The following KCNN3 variants were observed in gnomAD, a reference collection of about 807,000 sequenced individuals.
KCNN3 encodes potassium calcium-activated channel subfamily N member 3, also known as small conductance calcium-activated potassium channel protein 3.
A neutral mutation model predicts 62.9 loss-of-function variants in KCNN3; 16 were observed. The observed-to-expected ratio is 0.25, with a 90% CI of 0.17 to 0.39. KCNN3 has a LOEUF of 0.39. Ranked by LOEUF, KCNN3 falls within the 10% of genes least tolerant of loss-of-function variation. The pLI, the probability that KCNN3 is intolerant of heterozygous loss-of-function variation, is 1.00. For synonymous variants in KCNN3, 370 were observed against 389.2 expected, an observed-to-expected ratio of 0.95 and a Z score of 0.58; for missense variants, 599 against 949.4, an observed-to-expected ratio of 0.63 and a Z score of 4.85.
At chr1:154,867,807 T>C in intron 1 of KCNN3, 1 of 231,592 alleles carries the variant, frequency 4.3e-6, no homozygotes, top group Non-Finnish European at 6.6e-6. Flanking sequence ...CGTACAAACA[T>C]TACGCACATA....
intron 2 of KCNN3, among the ~76,000 whole-genome samples, chr1:154,808,469 G>A (rs954793790): frequency 6.6e-6 from 1 of 152,128 alleles, no homozygotes; most frequent in African/African-American, 2.4e-5. Context: ...AGGTGGAACT[G>A]TGCGCCGTGC....
Position 154,705,914 on chromosome 1 carries a change from C to G in KCNN3, c.*2062G>C, listed in dbSNP as rs1290412789. 1.3e-5 allele frequency: 2 copies of G among 152,220 alleles called. No individual in the cohort carries two copies. The highest frequency in any genetic ancestry group is 4.8e-5 in the African/African-American group (2 of 41,466). The allele number at this position is 152,220 out of a possible 1,614,324, so 9.4% of individuals were successfully genotyped here. A position where few individuals can be genotyped will look rare whatever the true frequency, so the allele number is the denominator to read the frequency against. Reference sequence around the variant, plus strand: ...ATGGTTACTTCATCTGTTTACACATCTGCTTATATGTTCAGCTGAACTGTC... The same window carrying G: ...ATGGTTACTTCATCTGTTTACACATGTGCTTATATGTTCAGCTGAACTGTC... On this transcript the variant is annotated 3_prime_UTR_variant, in exon 8 of 8. Transcript: ENST00000271915.
intron 2 of KCNN3, among the ~76,000 whole-genome samples, chr1:154,801,935 C>T (rs553866483): frequency 6.6e-6 from 1 of 152,314 alleles, no homozygotes; most frequent in African/African-American, 2.4e-5. Context: ...AGGAAGGGGC[C>T]AACCCACAAG....
intron 2 of KCNN3, among the ~76,000 whole-genome samples, chr1:154,807,621 G>A (rs983599535): frequency 1.3e-5 from 2 of 152,248 alleles, no homozygotes; most frequent in African/African-American, 4.8e-5. Context: ...GGCTGCTGGA[G>A]AAGAGTGTAT....
Position 154,756,273 on chromosome 1 carries a change from G to C in KCNN3, c.1448+15702C>G, listed in dbSNP as rs577786557. Among the ~76,000 whole-genome samples, 80 of 148,586 alleles carry C rather than the reference G, an allele frequency of 5.4e-4. 1 individual carries two copies. Among genetic ancestry groups the C allele is most frequent in the African/African-American group, 1.9e-3 (77 of 40,270 alleles). On this transcript the variant is annotated intron_variant, in intron 3 of 7. Transcript: ENST00000271915. Reference sequence around the variant, plus strand: ...AGGCAAAGGCAAAGAAGAAGAAGACGACGACGATGAAAAGGAGGAGGAGGA... The same window carrying C: ...AGGCAAAGGCAAAGAAGAAGAAGACCACGACGATGAAAAGGAGGAGGAGGA...
intron 2 of KCNN3, among the ~76,000 whole-genome samples, chr1:154,806,941 G>C (rs574812221): frequency 4.6e-5 from 7 of 152,294 alleles, no homozygotes; most frequent in Admixed American, 1.3e-4. Context: ...TGTGGTCCCA[G>C]CCCCGGGAAC....
intron 3 of KCNN3, among the ~76,000 whole-genome samples, chr1:154,747,276 G>T (rs1288210780): frequency 6.6e-6 from 1 of 152,088 alleles, no homozygotes; most frequent in Non-Finnish European, 1.5e-5. Flanking sequence ...CTCCCCAGCT[G>T]GTGTCCCGTC....
chr1:154,837,991 C>T (rs1441566142), intron 1 of KCNN3, among the ~76,000 whole-genome samples: 1 of 152,168 alleles, frequency 6.6e-6, no homozygotes, highest in Non-Finnish European at 1.5e-5. Flanking sequence ...GCCAGGCAGG[C>T]CTGAATTACG....
At chr1:154,720,530 C>T (rs57562759) in intron 5 of KCNN3, among the ~76,000 whole-genome samples, 5,342 of 152,220 alleles carry the variant, frequency 0.035, 316 homozygotes, top group African/African-American at 0.12. Flanking sequence ...GTTTTTCCTA[C>T]GAAATACCAC....
chr1:154,850,502 C>G (rs1652259368), intron 1 of KCNN3, among the ~76,000 whole-genome samples: 1 of 152,212 alleles, frequency 6.6e-6, no homozygotes, highest in Admixed American at 6.5e-5. Context: ...CACTCTCCTC[C>G]CAGTCTTAAA....
At chr1:154,766,571 C>T (rs1396910354) in intron 3 of KCNN3, among the ~76,000 whole-genome samples, 1 of 150,014 alleles carries the variant, frequency 6.7e-6, no homozygotes, top group African/African-American at 2.4e-5. Flanking sequence ...TGTTCCCAGG[C>T]TCTGCTCAGT....
chr1:154,772,567 G>A lies in KCNN3; in HGVS notation c.1030-174C>T, dbSNP rs1648609811. Among the ~76,000 whole-genome samples, 1 of 152,202 alleles carries A rather than the reference G, an allele frequency of 6.6e-6. No individual in the cohort carries two copies. The highest frequency in any genetic ancestry group is 2.4e-5 in the African/African-American group (1 of 41,446). On this transcript the variant is annotated intron_variant, in intron 2 of 7. Transcript: ENST00000271915. The surrounding 1 kb of genome is among the most constrained non-coding windows in gnomAD (Gnocchi z 5.6). ...GGCAAGAGCCCTGTATGTGGAGTAGGGAGAGCTGGATTCAGTCTACCTGGG... is the reference window on the plus strand; with the variant it reads ...GGCAAGAGCCCTGTATGTGGAGTAGAGAGAGCTGGATTCAGTCTACCTGGG...
intron 2 of KCNN3, among the ~76,000 whole-genome samples, chr1:154,808,380 C>G (rs1650267041): frequency 6.6e-6 from 1 of 152,058 alleles, no homozygotes; most frequent in Admixed American, 6.6e-5. Flanking sequence ...CTAGAGGACC[C>G]TCGACCCACC....
intron 1 of KCNN3, among the ~76,000 whole-genome samples, chr1:154,841,024 C>T (rs917555226): frequency 1.6e-4 from 25 of 152,130 alleles, no homozygotes; most frequent in African/African-American, 5.1e-4. Flanking sequence ...CCTGCCCCTG[C>T]GGGGTCAGGC....
intron 5 of KCNN3, among the ~76,000 whole-genome samples, chr1:154,723,207 T>A (rs923944806): frequency 1.3e-5 from 2 of 152,202 alleles, no homozygotes; most frequent in Non-Finnish European, 2.9e-5. Context: ...TCATTTCAAT[T>A]AAGGTTATGT....
intron 3 of KCNN3, among the ~76,000 whole-genome samples, chr1:154,747,951 TC>T (rs1346789916): frequency 6.6e-6 from 1 of 152,146 alleles, no homozygotes; most frequent in Admixed American, 6.5e-5. Context: ...CGGAAAGCCG[TC>T]CCGGATCAAG....
intron 7 of KCNN3, among the ~76,000 whole-genome samples, chr1:154,709,152 C>T (rs1283899814): frequency 6.6e-6 from 1 of 152,194 alleles, no homozygotes; most frequent in Admixed American, 6.5e-5. Context: ...AGTGCTCCTT[C>T]CCCAACATCC....
At chr1:154,770,625 C>G (rs1648511741) in intron 3 of KCNN3, among the ~76,000 whole-genome samples, 1 of 152,196 alleles carries the variant, frequency 6.6e-6, no homozygotes, top group Non-Finnish European at 1.5e-5. Context: ...TTCATTCTAT[C>G]TCAAGTGATC....
At chr1:154,712,699 T>C (rs1700102685) in intron 7 of KCNN3, among the ~76,000 whole-genome samples, 1 of 151,992 alleles carries the variant, frequency 6.6e-6, no homozygotes, top group African/African-American at 2.4e-5. Context: ...CAAGAGGCAA[T>C]GAGGAGAGGG....
Sources: gnomAD v4.1 joint callset for allele counts (sites outside exome capture counted in the v4.1 genomes callset) on GRCh38, gnomAD v4.1.1 for gene constraint, Gnocchi (gnomAD v3.1) non-coding constraint, MANE v1.5 for transcripts, NCBI Gene and HGNC (gene_info 2026-07-23, HGNC 2026-07-21) for gene names.